DNAAF1: variants seen among roughly 807,000 people sequenced by gnomAD.
DNAAF1 encodes the protein dynein axonemal assembly factor 1.
In DNAAF1, 65 loss-of-function variants were observed where a neutral mutation model predicts 71.1. The ratio of observed to expected loss-of-function variants is 0.91; its 90% CI spans 0.75 to 1.12. The LOEUF (loss-of-function observed/expected upper bound fraction) is 1.12. DNAAF1 is among the 50% of genes most tolerant of loss of function. The pLI is 0.00. For missense variants in DNAAF1, 1,178 were observed against 899.8 expected, an observed-to-expected ratio of 1.31 and a Z score of -3.96; for synonymous variants, 414 against 354.6, an observed-to-expected ratio of 1.17 and a Z score of -1.88.
At chr16:84,171,126 G>A (rs1262936494) in intron 8 of DNAAF1, among the ~76,000 whole-genome samples, 1 of 152,028 alleles carries the variant, frequency 6.6e-6, no homozygotes, top group Non-Finnish European at 1.5e-5. Flanking sequence ...AGGACCCAAG[G>A]ATACAGCCCG....
intron 7 of DNAAF1, among the ~76,000 whole-genome samples, chr16:84,169,629 C>T (rs2088215546): frequency 6.6e-6 from 1 of 152,036 alleles, no homozygotes; most frequent in Non-Finnish European, 1.5e-5. Context: ...TCATGTTGGC[C>T]AGCCTGGTTT....
intron 1 of DNAAF1, among the ~76,000 whole-genome samples, chr16:84,147,674 C>T (rs556289720): frequency 8.5e-4 from 129 of 151,634 alleles, no homozygotes; most frequent in Non-Finnish European, 1.5e-3. Flanking sequence ...AACAAATACC[C>T]GTGTTTTGCC....
intron 7 of DNAAF1, 178 bp downstream of exon 7, chr16:84,166,127 C>T (rs1015558433): frequency 3.7e-6 from 3 of 809,398 alleles, no homozygotes; most frequent in Admixed American, 5.1e-5. Context: ...GATCTTGGCT[C>T]ACTGCAACTT....
At chr16:84,176,660 C>G (rs941591707) in intron 11 of DNAAF1, 6 of 365,852 alleles carry the variant, frequency 1.6e-5, no homozygotes, top group Non-Finnish European at 3.2e-5. Context: ...CCTTTCTAGA[C>G]CAGGGCTTTT....
Position 84,169,806 on chromosome 16 carries a change from C to A in DNAAF1, c.1031-53C>A, listed in dbSNP as rs1329629180. The A allele has an allele frequency of 2.5e-6, 4 of 1,610,820 alleles. No individual in the cohort carries two copies. The Admixed American group carries it at 5.0e-5, about 20-fold the overall frequency. ...TGAGCCCTTGATGTACCCACAAACA[C>A]CCTTGTCCTCCCAGGACACTCCCAC... On this transcript the variant is annotated intron_variant, in intron 7 of 11. Transcript: ENST00000378553.
At position 84,165,898 on chromosome 16, in the gene DNAAF1, A is replaced by T. The variant is rs764334124; in HGVS notation, c.979A>T (p.Ile327Phe). ...AGACAGCATTGAAGCCTTGGCCATG[A>T]TCAAGCAGCGGGCAGAGGAGAGGAA... ...ITDSIEALAM[I>F]KQRAEERKRQ... The change falls in exon 7 of 12, where the codon ATC (isoleucine) becomes TTC (phenylalanine). Residue 327 changes from isoleucine (I) to phenylalanine (F), a missense_variant. Ile to Phe is a conservative substitution (Grantham distance 21). Coordinates refer to ENST00000378553, the MANE Select transcript of DNAAF1 (RefSeq NM_178452.6). 2.5e-6 allele frequency: 4 copies of T among 1,613,616 alleles called. No homozygotes were observed. In the Admixed American group the frequency reaches 5.0e-5, roughly 20 times the overall value.
At chr16:84,163,868 T>C (rs1320814175) in intron 6 of DNAAF1, among the ~76,000 whole-genome samples, 2 of 149,952 alleles carry the variant, frequency 1.3e-5, no homozygotes, top group African/African-American at 4.9e-5. Context: ...ACTTTTTTTT[T>C]TTTTTGTGGG....
intron 1 of DNAAF1, among the ~76,000 whole-genome samples, chr16:84,146,796 G>C (rs547858097): frequency 4.4e-4 from 67 of 151,286 alleles, no homozygotes; most frequent in Middle Eastern, 3.5e-3. Flanking sequence ...GCTCCCACTA[G>C]ACTTGGTGCC....
intron 1 of DNAAF1, among the ~76,000 whole-genome samples, chr16:84,146,888 A>G (rs1465710950): frequency 6.6e-6 from 1 of 152,250 alleles, no homozygotes; most frequent in African/African-American, 2.4e-5. Context: ...CAAATAAACC[A>G]GCTGATTTGT....
At chr16:84,172,678 C>A (rs780940733) in intron 9 of DNAAF1, 5 of 1,238,884 alleles carry the variant, frequency 4.0e-6, no homozygotes, top group Non-Finnish European at 5.1e-6. Flanking sequence ...TTCCTTTTTG[C>A]CAAAGAAGCT....
chr16:84,163,728 G>T (rs1199511589), intron 6 of DNAAF1, among the ~76,000 whole-genome samples: 1 of 152,076 alleles, frequency 6.6e-6, no homozygotes, highest in Non-Finnish European at 1.5e-5. Flanking sequence ...GTGTCTCATT[G>T]TGGTTTCCAT....
rs1048399189 is a variant in DNAAF1 at position 84,175,562 on chromosome 16, A to G, written c.1699-371A>G. 2.8e-5 allele frequency: 8 copies of G among 288,576 alleles called. No homozygotes were observed. In the East Asian group the frequency reaches 7.3e-4, roughly 26 times the overall value. The allele number at this position is 288,576 out of a possible 1,614,324, so 17.9% of individuals were successfully genotyped here. On this transcript the variant is annotated intron_variant, in intron 10 of 11. Transcript: ENST00000378553. Reference sequence around the variant, plus strand: ...GAGCTCAGCAGCAAAGAAAACAGACACAGTTACTGTGGGGGGCCTGCTGTC... The same window carrying G: ...GAGCTCAGCAGCAAAGAAAACAGACGCAGTTACTGTGGGGGGCCTGCTGTC...
chr16:84,146,809 A>C (rs1461796509), intron 1 of DNAAF1, among the ~76,000 whole-genome samples: 2 of 152,160 alleles, frequency 1.3e-5, no homozygotes, highest in Admixed American at 6.5e-5. Context: ...TTGGTGCCCT[A>C]AAGGAAACCT....
intron 4 of DNAAF1, 78 bp downstream of exon 4, chr16:84,154,876 T>C: frequency 8.0e-7 from 1 of 1,244,972 alleles, no homozygotes; most frequent in East Asian, 2.3e-5. Context: ...TAAGCTTTTA[T>C]ATTATGGGCA....
chr16:84,156,563 C>T (rs1420930066), intron 5 of DNAAF1, among the ~76,000 whole-genome samples: 1 of 152,146 alleles, frequency 6.6e-6, no homozygotes, highest in Non-Finnish European at 1.5e-5. Flanking sequence ...CTGGTCTAGC[C>T]ATTATGAAGT....
At chr16:84,173,007 C>T in intron 9 of DNAAF1, 1 of 993,640 alleles carries the variant, frequency 1.0e-6, no homozygotes, top group Non-Finnish European at 1.2e-6. Context: ...CTCACAACCC[C>T]CCAAGAACTG....
At chr16:84,151,291 T>C (rs76179977) in intron 3 of DNAAF1, among the ~76,000 whole-genome samples, 1 of 152,238 alleles carries the variant, frequency 6.6e-6, no homozygotes, top group South Asian at 2.1e-4. Flanking sequence ...TTTGGTGTCC[T>C]GGGGGATGGG....
rs779134079 is a variant in DNAAF1, at chr16:84,169,860, G to A, written c.1032G>A (p.Gly344=). The A allele has an allele frequency of 2.5e-5, 41 of 1,613,664 alleles. No homozygotes were observed. Among genetic ancestry groups the A allele is most frequent in the South Asian group, 3.3e-5 (3 of 91,062 alleles). Residue 344 remains glycine (G), a splice_region_variant and synonymous_variant, in exon 8 of 12, where the codon GGG becomes GGA. Transcript: ENST00000378553. The part of the protein sequence containing the change: ...RKRQRESQER[G]EMTSSDDGEN... ...CACCTTTGCATTTTCTGCCATTAGG[G>A]GAGATGACATCTTCAGATGATGGTG...
In DNAAF1 at chr16:84,174,453, C is replaced by A. The variant is rs867181839; in HGVS notation, c.1645-216C>A. ...AAACACGTCACACCTTGCAAGTTCCCTTTCATTTATTAGATCCAGACACCT... is the reference window on the plus strand; with the variant it reads ...AAACACGTCACACCTTGCAAGTTCCATTTCATTTATTAGATCCAGACACCT... On this transcript the variant is annotated intron_variant, in intron 9 of 11. Coordinates refer to ENST00000378553, the MANE Select transcript of DNAAF1 (RefSeq NM_178452.6). The A allele has an allele frequency of 7.0e-6, 10 of 1,427,418 alleles. No homozygotes were observed. In the South Asian group the frequency reaches 1.1e-4, roughly 15 times the overall value. The allele number at this position is 1,427,418 out of a possible 1,614,324, so 88.4% of individuals were successfully genotyped here. A position where few individuals can be genotyped will look rare whatever the true frequency, so the allele number is the denominator to read the frequency against.
Sources: allele counts gnomAD v4.1 joint callset (sites outside exome capture counted in the v4.1 genomes callset), GRCh38; gene constraint gnomAD v4.1.1; transcripts MANE v1.5; gene names NCBI Gene and HGNC (gene_info 2026-07-23, HGNC 2026-07-21).